The following TBC1D19 variants were observed in gnomAD, a reference collection of about 807,000 sequenced individuals.
The protein encoded by TBC1D19 is TBC1 domain family, member 19.
Under a neutral mutation model 89.0 loss-of-function variants are expected in TBC1D19, and 60 were observed. The observed-to-expected ratio is 0.67, with a 90% CI of 0.55 to 0.84. The LOEUF is 0.84. Ranked by LOEUF, TBC1D19 falls within the 40% of genes least tolerant of loss-of-function variation. The pLI is 0.00. For missense variants in TBC1D19, 500 were observed against 610.8 expected (o/e 0.82, Z 1.91); for synonymous variants, 189 against 199.7 (o/e 0.95, Z 0.45).
At chr4:26,684,835 C>T (rs2109145946) in intron 12 of TBC1D19, among the ~76,000 whole-genome samples, 2 of 152,212 alleles carry the variant, frequency 1.3e-5, no homozygotes, top group Middle Eastern at 3.4e-3. Flanking sequence ...CTTACTGTGC[C>T]ATATAGTATT....
chr4:26,635,106 A>T (rs562481666), intron 4 of TBC1D19, among the ~76,000 whole-genome samples: 2 of 152,284 alleles, frequency 1.3e-5, no homozygotes, highest in African/African-American at 4.8e-5. Context: ...ATAATAGGAT[A>T]AATAAAAATC....
chr4:26,752,339 G>A (rs933577305), intron 19 of TBC1D19, among the ~76,000 whole-genome samples: 4 of 150,824 alleles, frequency 2.7e-5, no homozygotes, highest in Non-Finnish European at 5.9e-5. Flanking sequence ...TGAACTCCTG[G>A]GCTCAAGCAA....
At chr4:26,589,672 C>G (rs1739642000) in intron 1 of TBC1D19, among the ~76,000 whole-genome samples, 1 of 152,134 alleles carries the variant, frequency 6.6e-6, no homozygotes, top group Admixed American at 6.6e-5. Flanking sequence ...GCTAATTTAC[C>G]TCTGCTTTGT....
intron 18 of TBC1D19, among the ~76,000 whole-genome samples, chr4:26,748,100 G>C (rs1718748817): frequency 6.6e-6 from 1 of 152,186 alleles, no homozygotes; most frequent in African/African-American, 2.4e-5. Flanking sequence ...CAGAAGGTCA[G>C]CTCATTGATA....
chr4:26,661,023 C>G (rs1170122929), intron 8 of TBC1D19, among the ~76,000 whole-genome samples: 1 of 152,044 alleles, frequency 6.6e-6, no homozygotes, highest in East Asian at 1.9e-4. Context: ...ATGGAGGTAC[C>G]ACATGTCAGA....
At chr4:26,644,535 C>G (rs935464441) in intron 7 of TBC1D19, among the ~76,000 whole-genome samples, 1 of 152,180 alleles carries the variant, frequency 6.6e-6, no homozygotes, top group African/African-American at 2.4e-5. Flanking sequence ...CCTTCTCTTA[C>G]CACTCCTATT....
chr4:26,653,815 T>G (rs1255125057), intron 7 of TBC1D19, among the ~76,000 whole-genome samples: 2 of 152,142 alleles, frequency 1.3e-5, no homozygotes, highest in Non-Finnish European at 2.9e-5. Flanking sequence ...GATGGGTCTT[T>G]ACTCTTTCTC....
At chr4:26,801,848 C>A in the TBC1D19 span, among the ~76,000 whole-genome samples, 3 of 151,940 alleles carry the variant, frequency 2.0e-5, no homozygotes, top group East Asian at 5.8e-4. Flanking sequence ...CAGGGAGCTA[C>A]CAAGTAAAGT....
the TBC1D19 span, chr4:26,858,462 G>C: frequency 2.6e-5 from 4 of 152,360 alleles, no homozygotes; most frequent in South Asian, 8.3e-4. Flanking sequence ...AAACAAAAGC[G>C]TGGAGGTGGG....
intron 4 of TBC1D19, among the ~76,000 whole-genome samples, chr4:26,634,237 A>G (rs2110066563): frequency 6.6e-6 from 1 of 152,196 alleles, no homozygotes; most frequent in South Asian, 2.1e-4. Context: ...GTACATATCA[A>G]GCAATTCAAT....
the TBC1D19 span, among the ~76,000 whole-genome samples, chr4:26,816,550 G>A: frequency 6.6e-5 from 10 of 152,278 alleles, no homozygotes; most frequent in Admixed American, 2.6e-4. Context: ...CAGAAATCCC[G>A]TCAATCAAAT....
intron 13 of TBC1D19, among the ~76,000 whole-genome samples, chr4:26,694,444 T>C (rs1227433355): frequency 6.6e-6 from 1 of 152,256 alleles, no homozygotes; most frequent in Non-Finnish European, 1.5e-5. Flanking sequence ...GAGGCCTGCC[T>C]GCCTCTGTAG....
At chr4:26,758,549 C>T (rs76614256), downstream of TBC1D19, among the ~76,000 whole-genome samples, 1,467 of 152,106 alleles carry the variant, frequency 9.6e-3, 29 homozygotes, top group African/African-American at 0.034. Context: ...AGTGCAAAAT[C>T]GAGACCAATG....
the TBC1D19 span, among the ~76,000 whole-genome samples, chr4:26,775,040 A>G: frequency 3.3e-5 from 5 of 152,220 alleles, no homozygotes; most frequent in African/African-American, 9.6e-5. Context: ...ATTGAGAATA[A>G]CCATATAAGT....
the TBC1D19 span, among the ~76,000 whole-genome samples, chr4:26,848,511 T>A: frequency 1.3e-5 from 2 of 152,250 alleles, no homozygotes; most frequent in Non-Finnish European, 1.5e-5. Flanking sequence ...TCTTCACTTG[T>A]ATCTGTAGAA....
chr4:26,767,212 G>T, the TBC1D19 span, among the ~76,000 whole-genome samples: 1 of 152,136 alleles, frequency 6.6e-6, no homozygotes, highest in South Asian at 2.1e-4. Context: ...AATGTTTTGT[G>T]CTGTATTTTC....
At chr4:26,799,707 T>C in the TBC1D19 span, among the ~76,000 whole-genome samples, 959 of 152,326 alleles carry the variant, frequency 6.3e-3, 3 homozygotes, top group Non-Finnish European at 9.1e-3. Flanking sequence ...CTATGAGGAA[T>C]AGGCCCTCAC....
chr4:26,647,722 C>T (rs1744070225), intron 7 of TBC1D19, among the ~76,000 whole-genome samples: 1 of 152,042 alleles, frequency 6.6e-6, no homozygotes, highest in Non-Finnish European at 1.5e-5. Context: ...CCTTGCTTAC[C>T]CCTGGCTTCC....
chr4:26,631,969 T>C (rs915299382), intron 4 of TBC1D19, among the ~76,000 whole-genome samples: 3 of 152,136 alleles, frequency 2.0e-5, no homozygotes, highest in Non-Finnish European at 4.4e-5. Context: ...CTTGATACAA[T>C]GGGATATCTA....
Sources: allele counts gnomAD v4.1 joint callset (sites outside exome capture counted in the v4.1 genomes callset), GRCh38; gene constraint gnomAD v4.1.1; transcripts MANE v1.5; gene names NCBI Gene and HGNC (gene_info 2026-07-23, HGNC 2026-07-21).